The following PIGN variants were observed in gnomAD, a reference collection of about 807,000 sequenced individuals.
PIGN encodes the protein GPI ethanolamine phosphate transferase 1.
Under a neutral mutation model 125.4 loss-of-function variants are expected in PIGN, and 117 were observed. That is an observed-to-expected ratio of 0.93 (90% confidence interval 0.80 to 1.09). The LOEUF (loss-of-function observed/expected upper bound fraction) is 1.09, where lower values mean the gene tolerates loss of function less well. Among genes scored for constraint, PIGN ranks in the 50% least tolerant of loss-of-function variants. The pLI, the probability that PIGN is intolerant of heterozygous loss-of-function variation, is 0.00. For missense variants in PIGN, 1,075 were observed against 1,094.9 expected, an observed-to-expected ratio of 0.98 and a Z score of 0.26; for synonymous variants, 392 against 377.8, an observed-to-expected ratio of 1.04 and a Z score of -0.44.
chr18:62,115,006 C>T (rs912832902), intron 14 of PIGN, among the ~76,000 whole-genome samples: 1 of 152,178 alleles, frequency 6.6e-6, no homozygotes, highest in African/African-American at 2.4e-5. Flanking sequence ...GTGCTCATGG[C>T]AGACTTCACG....
chr18:62,167,286 ATGTGTGTGTGTGTGTGTGTGTG>A (rs61310777), intron 1 of PIGN, among the ~76,000 whole-genome samples: 186 of 139,458 alleles, frequency 1.3e-3, no homozygotes, highest in South Asian at 4.7e-3. Flanking sequence ...AGAGATATAT[ATGTGTGTGTGTGTGTGTGTGTG>A]TGTGTGTGTG....
chr18:62,125,148 GTATA>G (rs3081456), intron 14 of PIGN, among the ~76,000 whole-genome samples: 23 of 83,074 alleles, frequency 2.8e-4, no homozygotes, highest in African/African-American at 7.2e-4. Flanking sequence ...GTACATATGT[GTATA>G]TACATGTTTG....
intron 10 of PIGN, 77 bp downstream of exon 10, chr18:62,145,832 A>T: frequency 1.4e-6 from 1 of 725,006 alleles, no homozygotes; most frequent in Non-Finnish European, 2.4e-6. Flanking sequence ...AAATTTGAAG[A>T]GTGATTTCTT....
intron 14 of PIGN, among the ~76,000 whole-genome samples, chr18:62,134,553 T>G (rs2035858604): frequency 6.6e-6 from 1 of 152,228 alleles, no homozygotes; most frequent in Non-Finnish European, 1.5e-5. Flanking sequence ...CACTTGTACA[T>G]TTTCAAGGCT....
intron 4 of PIGN, among the ~76,000 whole-genome samples, chr18:62,159,988 C>T (rs546002389): frequency 1.3e-5 from 2 of 152,262 alleles, no homozygotes; most frequent in East Asian, 3.9e-4. Flanking sequence ...TGGCGGGCGC[C>T]TGTAGTCCCA....
intron 7 of PIGN, 40 bp from the exon 8 acceptor site, chr18:62,148,378 GTTTTA>G (rs1255379211): frequency 7.6e-7 from 1 of 1,313,392 alleles, no homozygotes; most frequent in Non-Finnish European, 1.0e-6. Context: ...TAGTTCATTT[GTTTTA>G]TTTTAAAAAT....
chr18:62,126,889 T>C (rs920853030), intron 14 of PIGN, among the ~76,000 whole-genome samples: 3 of 152,196 alleles, frequency 2.0e-5, no homozygotes, highest in African/African-American at 7.2e-5. Context: ...TCATAATATA[T>C]GTCCAACATC....
At chr18:62,096,122 C>T (rs1217233348) in intron 22 of PIGN, among the ~76,000 whole-genome samples, 172 bp from the exon 23 acceptor site, 1 of 152,038 alleles carries the variant, frequency 6.6e-6, no homozygotes, top group Non-Finnish European at 1.5e-5. Context: ...TGATAAAACC[C>T]CGTCTCTACT....
chr18:62,139,911 C>T (rs541373290), intron 12 of PIGN, among the ~76,000 whole-genome samples: 3 of 152,304 alleles, frequency 2.0e-5, no homozygotes, highest in African/African-American at 7.2e-5. Flanking sequence ...GGTTTTCAAG[C>T]ACCACTTTGT....
At chr18:62,183,888 T>A (rs927424293) in intron 1 of PIGN, among the ~76,000 whole-genome samples, 46 of 152,270 alleles carry the variant, frequency 3.0e-4, no homozygotes, top group African/African-American at 1.0e-3. Flanking sequence ...AATTTACTAT[T>A]AATGTAAATA....
intron 23 of PIGN, among the ~76,000 whole-genome samples, chr18:62,095,114 G>A (rs1355716040): frequency 6.6e-6 from 1 of 152,180 alleles, no homozygotes; most frequent in African/African-American, 2.4e-5. Flanking sequence ...TCAAGATTCT[G>A]TATTTGGGCC....
chr18:62,084,893 C>A lies in PIGN; in HGVS notation c.2427-287G>T, dbSNP rs956515739. Among the ~76,000 whole-genome samples the A allele has an allele frequency of 2.0e-5, 3 of 152,040 alleles. No homozygotes were observed. In the South Asian group the frequency reaches 6.2e-4, roughly 32 times the overall value. ...CAGGCTGAGGCGGGTGGATCACCTGCGGTCAGCAGTTTGAGACCAGCCTGA... is the reference window on the plus strand; with the variant it reads ...CAGGCTGAGGCGGGTGGATCACCTGAGGTCAGCAGTTTGAGACCAGCCTGA... On this transcript the variant is annotated intron_variant, in intron 26 of 30. Coordinates refer to ENST00000640252, the MANE Select transcript of PIGN (RefSeq NM_176787.5).
chr18:62,178,065 T>C (rs1673948888), intron 1 of PIGN, among the ~76,000 whole-genome samples: 2 of 152,098 alleles, frequency 1.3e-5, no homozygotes. Context: ...TCTACATTGG[T>C]CACTCAGGAA....
intron 8 of PIGN, 99 bp from the exon 9 acceptor site, chr18:62,147,200 T>C (rs1195904728): frequency 1.5e-6 from 2 of 1,343,040 alleles, no homozygotes; most frequent in South Asian, 3.1e-5. Context: ...ACTTCTGAAA[T>C]GCTTTTAGAT....
Position 62,025,599 on chromosome 18 carries a change from G to A in PIGN, c.2143-7858C>T, listed in dbSNP as rs191833832. On this transcript the variant is annotated intron_variant, in intron 23 of 24. Coordinates refer to the PIGN transcript ENST00000639600. ...TATGTGTCTGTTCAGCACAGAGCTT[G>A]TTTCTAAGTCTTGCTTATGCAAACC... Among the ~76,000 whole-genome samples, 293 of 152,310 alleles carry A rather than the reference G, an allele frequency of 1.9e-3. 1 individual carries two copies. The highest frequency in any genetic ancestry group is 6.7e-3 in the African/African-American group (280 of 41,570).
intron 19 of PIGN, 143 bp from the exon 20 acceptor site, chr18:62,105,777 T>C (rs942244649): frequency 1.7e-5 from 9 of 516,610 alleles, no homozygotes; most frequent in East Asian, 3.0e-5. Context: ...AAATACTTTC[T>C]AGCAGAATCA....
intron 30 of PIGN, among the ~76,000 whole-genome samples, chr18:62,061,147 T>A (rs2032098668): frequency 6.6e-6 from 1 of 152,222 alleles, no homozygotes; most frequent in Non-Finnish European, 1.5e-5. Flanking sequence ...GCTCTGAAGA[T>A]GCATTTGAAA....
chr18:62,056,593 C>A (rs577384188), intron 30 of PIGN: 2 of 152,412 alleles, frequency 1.3e-5, no homozygotes, highest in South Asian at 4.2e-4. Context: ...CTAACCCACT[C>A]ATATCTGTGC....
chr18:62,086,258 T>G (rs559701304), intron 25 of PIGN, among the ~76,000 whole-genome samples: 1 of 152,284 alleles, frequency 6.6e-6, no homozygotes, highest in South Asian at 2.1e-4. Context: ...AGATAGGAAC[T>G]TAGACTTTAT....
Sources: allele counts gnomAD v4.1 joint callset (sites outside exome capture counted in the v4.1 genomes callset), GRCh38; gene constraint gnomAD v4.1.1; transcripts MANE v1.5; gene names NCBI Gene and HGNC (gene_info 2026-07-23, HGNC 2026-07-21).